CCDC66: variants seen among roughly 807,000 people sequenced by gnomAD.
CCDC66 encodes coiled-coil domain containing 66.
Under a neutral mutation model 128.3 loss-of-function variants are expected in CCDC66, and 133 were observed. The ratio of observed to expected loss-of-function variants is 1.04; its 90% CI spans 0.90 to 1.20. The LOEUF is 1.20. Ranked by LOEUF, CCDC66 falls within the 50% of genes most tolerant of loss-of-function variation. The pLI, the probability that CCDC66 is intolerant of heterozygous loss-of-function variation, is 0.00. For synonymous variants in CCDC66, 387 were observed against 357.0 expected, an observed-to-expected ratio of 1.08 and a Z score of -0.95; for missense variants, 1,126 against 1,075.5, an observed-to-expected ratio of 1.05 and a Z score of -0.66.
intron 10 of CCDC66, among the ~76,000 whole-genome samples, chr3:56,612,832 T>C (rs138852404): frequency 5.1e-4 from 77 of 152,286 alleles, no homozygotes; most frequent in African/African-American, 1.8e-3. Flanking sequence ...GCTTGGTTAC[T>C]GGTGGAGATG....
intron 7 of CCDC66, among the ~76,000 whole-genome samples, chr3:56,577,655 A>G (rs1217455034): frequency 2.6e-5 from 4 of 151,758 alleles, no homozygotes; most frequent in African/African-American, 9.7e-5. Context: ...AGTTTTCCCA[A>G]CACCATTTAT....
rs1479205982 is a variant in CCDC66, at chr3:56,592,965, T to C, written c.937-5T>C. 2 of 1,603,062 alleles carry C rather than the reference T, an allele frequency of 1.2e-6. No homozygotes were observed. The highest frequency in any genetic ancestry group is 3.5e-5 in the Admixed American group (2 of 56,752). On this transcript the variant is annotated splice_region_variant and splice_polypyrimidine_tract_variant and intron_variant, in intron 7 of 17. Transcript: ENST00000394672. ...CTTTAGATGGCTTTTATGGCTGTTG[T>C]TTAGGAAACAGTACTGCTGGAGCAC...
intron 10 of CCDC66, among the ~76,000 whole-genome samples, chr3:56,596,061 T>C (rs909048967): frequency 2.0e-5 from 3 of 152,152 alleles, no homozygotes; most frequent in Non-Finnish European, 4.4e-5. Context: ...ATTACAAGCA[T>C]GCGCCACCAT....
At chr3:56,557,525 A>C (rs1470438988) in intron 1 of CCDC66, among the ~76,000 whole-genome samples, 1 of 152,144 alleles carries the variant, frequency 6.6e-6, no homozygotes, top group Non-Finnish European at 1.5e-5. Context: ...CAGGATGAGG[A>C]GGGAAGAGAG....
rs749050667 is a variant in CCDC66 at position 56,617,350 on chromosome 3, G to A, written c.2082G>A (p.Met694Ile). ...GAATAGAGAAACAAACAAAACACAT[G>A]AAGAAATATCCTAAAAGGCCTGATT... ...FTRIEKQTKH[M>I]KKYPKRPDWN... Residue 694 changes from methionine (M) to isoleucine (I), a missense_variant, in exon 14 of 18, where the codon ATG (methionine) becomes ATA (isoleucine). Transcript: ENST00000394672. 1 of 1,613,026 alleles carries A rather than the reference G, an allele frequency of 6.2e-7. No homozygotes were observed.
At chr3:56,557,370 C>T (rs2064451882) in intron 1 of CCDC66, 117 bp downstream of exon 1, 13 of 1,366,948 alleles carry the variant, frequency 9.5e-6, no homozygotes, top group Non-Finnish European at 1.3e-5. Context: ...TCCCAACCTG[C>T]GCCGCCGAGA....
In CCDC66 at chr3:56,577,776, A is replaced by G. The variant is rs1167393634; in HGVS notation, c.936+6474A>G. Among the ~76,000 whole-genome samples, 5 of 151,688 alleles carry G rather than the reference A, an allele frequency of 3.3e-5. No homozygotes were observed. In the East Asian group the frequency reaches 9.9e-4, roughly 30 times the overall value. On this transcript the variant is annotated intron_variant, in intron 7 of 17. Coordinates refer to ENST00000394672, the MANE Select transcript of CCDC66 (RefSeq NM_001141947.3). ...GGCCTCTGTTCTGTTCCAGTTGTCT[A>G]TATATCTGTTTTGGTACCAGTACCA... is the stretch of plus-strand genomic sequence containing the variant.
intron 10 of CCDC66, among the ~76,000 whole-genome samples, chr3:56,594,444 T>C (rs549699150): frequency 3.3e-5 from 5 of 152,202 alleles, no homozygotes; most frequent in African/African-American, 1.2e-4. Flanking sequence ...CCCAGCACTT[T>C]GGGAGGCTGA....
In CCDC66 at chr3:56,557,268, G is replaced by GCAGGGGTAAA. The variant is rs866282911; in HGVS notation, c.11+16_11+17insAGGGGTAAAC. The GCAGGGGTAAA allele has an allele frequency of 9.7e-6, 15 of 1,548,422 alleles. No individual in the cohort carries two copies. The highest frequency in any genetic ancestry group is 9.6e-6 in the Non-Finnish European group (11 of 1,146,488). On this transcript the variant is annotated intron_variant, in intron 1 of 17. Coordinates refer to ENST00000394672, the MANE Select transcript of CCDC66 (RefSeq NM_001141947.3). ...ATGAACTTGGGGTAAGCAGGGGTAAGCTGGGGTAAGCTGGGGTAAGCAAGG... is the reference window on the plus strand; with the variant it reads ...ATGAACTTGGGGTAAGCAGGGGTAAGCAGGGGTAAACTGGGGTAAGCTGGGGTAAGCAAGG...
chr3:56,619,824 C>A lies in CCDC66; in HGVS notation c.2683C>A (p.Pro895Thr), dbSNP rs1221307591. ...ATTTGATTCTGACTGTGTCAGGGAT[C>A]CACTTCTTAATCCTAACATGGTGAA... ...QLFDSDCVRD[P>T]LLNPNMVKNR... The change falls in exon 17 of 18, where the codon CCA (proline) becomes ACA (threonine). Residue 895 changes from proline to threonine, a missense_variant. By Grantham distance (38) the Pro-to-Thr change is conservative (BLOSUM62 -1). Transcript: ENST00000394672. 6.2e-7 allele frequency: 1 copy of A among 1,614,026 alleles called. No homozygotes were observed. The highest frequency in any genetic ancestry group is 2.2e-5 in the East Asian group (1 of 44,876).
chr3:56,571,139 TAC>T, intron 6 of CCDC66, 40 bp from the exon 7 acceptor site: 1 of 1,403,514 alleles, frequency 7.1e-7, no homozygotes, highest in Non-Finnish European at 9.7e-7. Flanking sequence ...GTTCTGTTTT[TAC>T]AGTTTTTGTA....
chr3:56,572,617 C>G (rs1012828398), intron 7 of CCDC66: 2 of 205,274 alleles, frequency 9.7e-6, no homozygotes, highest in Non-Finnish European at 2.0e-5. Flanking sequence ...CAAATGTATT[C>G]TGAAAATAAT....
intron 7 of CCDC66, among the ~76,000 whole-genome samples, chr3:56,575,730 G>C (rs1049823788): frequency 2.0e-5 from 3 of 151,742 alleles, no homozygotes; most frequent in Admixed American, 6.6e-5. Context: ...TTAGGTCTTT[G>C]ATCTATTTTG....
intron 15 of CCDC66, 107 bp downstream of exon 15, chr3:56,618,319 CAGAA>C: frequency 9.8e-7 from 1 of 1,020,452 alleles, no homozygotes; most frequent in Non-Finnish European, 1.5e-6. Context: ...AGAGAACAAT[CAGAA>C]AGGGTGTGGC....
In CCDC66 at chr3:56,592,418, T is replaced by C. The variant is rs548281724; in HGVS notation, c.937-552T>C. Reference sequence around the variant, plus strand: ...CTCTGTTGCCCATGCTGGAGTGCAGTGGCATGATTTCAGCTCACTACAACC... The same window carrying C: ...CTCTGTTGCCCATGCTGGAGTGCAGCGGCATGATTTCAGCTCACTACAACC... On this transcript the variant is annotated intron_variant, in intron 7 of 17. Transcript: ENST00000394672. 3.3e-5 allele frequency among the ~76,000 whole-genome samples: 5 copies of C among 152,272 alleles called. No homozygotes were observed. The East Asian group carries it at 9.7e-4, about 29-fold the overall frequency.
rs148265055 is a variant in CCDC66, at chr3:56,619,090, C to T, written c.2379-181C>T. Reference sequence around the variant, plus strand: ...GAAACTAGCTGGGCACTGTGGCGTGCGCCTGTAATCCCAGCTACTTGGGAG... The same window carrying T: ...GAAACTAGCTGGGCACTGTGGCGTGTGCCTGTAATCCCAGCTACTTGGGAG... On this transcript the variant is annotated intron_variant, in intron 15 of 17. Transcript: ENST00000394672. The T allele has an allele frequency of 1.7e-3, 896 of 530,240 alleles. 4 individuals are homozygous for T. Among genetic ancestry groups the T allele is most frequent in the Admixed American group, 2.9e-3 (77 of 26,846 alleles). The allele number at this position is 530,240 out of a possible 1,614,324, so 32.8% of individuals were successfully genotyped here.
intron 17 of CCDC66, chr3:56,621,013 A>AGTT (rs2076453993): frequency 6.6e-6 from 1 of 151,476 alleles, no homozygotes; most frequent in Non-Finnish European, 1.5e-5. Flanking sequence ...TTAGTTAGTT[A>AGTT]GTTAGCCAGG....
intron 10 of CCDC66, among the ~76,000 whole-genome samples, chr3:56,602,137 C>T (rs941717745): frequency 2.0e-5 from 3 of 151,904 alleles, no homozygotes; most frequent in Non-Finnish European, 2.9e-5. Context: ...TTTTTAGATA[C>T]GTTCCATCAA....
At chr3:56,561,146 T>A (rs1283679804) in intron 3 of CCDC66, 3 of 449,146 alleles carry the variant, frequency 6.7e-6, no homozygotes, top group Non-Finnish European at 1.3e-5. Context: ...CTTTCCCTAT[T>A]AAAAATTGCA....
Sources: gnomAD v4.1 joint callset for allele counts (sites outside exome capture counted in the v4.1 genomes callset) on GRCh38, gnomAD v4.1.1 for gene constraint, MANE v1.5 for transcripts, NCBI Gene and HGNC (gene_info 2026-07-23, HGNC 2026-07-21) for gene names.